GNG12: variants seen among roughly 807,000 people sequenced by gnomAD.
GNG12 encodes guanine nucleotide-binding protein G(I)/G(S)/G(O) subunit gamma-12.
For synonymous variants in GNG12, 28 were observed against 29.7 expected (o/e 0.94, Z 0.19); for missense variants, 69 against 83.8 (o/e 0.82, Z 0.69).
In GNG12 at chr1:67,705,487, G is replaced by A. The variant is rs1215234224; in HGVS notation, c.183C>T (p.Asn61=). Residue 61 remains asparagine (N), a synonymous_variant, in exon 4 of 4, where the codon AAC becomes AAT. Transcript: ENST00000370982. ...PLLIGIPTSE[N]PFKDKKTCII... is the part of the protein sequence containing the mutation. ...TGCAAGTTTTTTTATCCTTGAAAGG[G>A]TTTTCTGAAGTTGGTATTCCTATCA... The A allele has an allele frequency of 6.2e-7, 1 of 1,614,064 alleles. No homozygotes were observed. The highest frequency in any genetic ancestry group is 1.7e-5 in the Admixed American group (1 of 59,998).
At chr1:67,808,102 A>G (rs1425778843) in intron 1 of GNG12, among the ~76,000 whole-genome samples, 4 of 152,084 alleles carry the variant, frequency 2.6e-5, no homozygotes, top group Non-Finnish European at 5.9e-5. Context: ...AGAATTACAC[A>G]CTGCTACCAA....
intron 2 of GNG12, among the ~76,000 whole-genome samples, chr1:67,710,417 C>A (rs1646288537): frequency 6.6e-6 from 1 of 150,980 alleles, no homozygotes; most frequent in Admixed American, 6.7e-5. Context: ...TAAGGTCAAG[C>A]ATTCTCTTCT....
intron 2 of GNG12, among the ~76,000 whole-genome samples, chr1:67,759,647 G>A (rs183005717): frequency 1.3e-5 from 2 of 152,254 alleles, no homozygotes; most frequent in Admixed American, 1.3e-4. Flanking sequence ...CTTATACATA[G>A]TAAGTGTGCA....
intron 2 of GNG12, among the ~76,000 whole-genome samples, chr1:67,710,211 T>C: frequency 1.0e-5 from 1 of 96,416 alleles, no homozygotes; most frequent in East Asian, 2.5e-4. Flanking sequence ...TATAGTTATA[T>C]ATATAGTTAT....
At chr1:67,778,745 T>C (rs1028452714) in intron 1 of GNG12, among the ~76,000 whole-genome samples, 5 of 152,168 alleles carry the variant, frequency 3.3e-5, no homozygotes, top group Admixed American at 3.3e-4. Context: ...GTCGTTTGCC[T>C]CCAGAGTCCA....
At chr1:67,755,657 C>G (rs928374936) in intron 2 of GNG12, among the ~76,000 whole-genome samples, 1 of 152,110 alleles carries the variant, frequency 6.6e-6, no homozygotes, top group African/African-American at 2.4e-5. Context: ...ACAGTCCACT[C>G]TAGGAGGCAA....
intron 2 of GNG12, among the ~76,000 whole-genome samples, chr1:67,742,818 T>C (rs115019729): frequency 1.7e-3 from 263 of 152,234 alleles, no homozygotes; most frequent in Middle Eastern, 6.8e-3. Flanking sequence ...TTTATTTTAA[T>C]AGAAATAGCT....
At chr1:67,728,864 C>T (rs1042029299) in intron 2 of GNG12, among the ~76,000 whole-genome samples, 1 of 152,186 alleles carries the variant, frequency 6.6e-6, no homozygotes, top group Non-Finnish European at 1.5e-5. Context: ...AAGGGTATGA[C>T]AGCAAGTTTT....
chr1:67,713,866 G>C (rs1646310179), intron 2 of GNG12, among the ~76,000 whole-genome samples: 1 of 152,176 alleles, frequency 6.6e-6, no homozygotes, highest in Admixed American at 6.5e-5. Flanking sequence ...TCACTAACAA[G>C]ATGAAAAACA....
At chr1:67,800,973 C>T (rs1646861085) in intron 1 of GNG12, among the ~76,000 whole-genome samples, 1 of 151,898 alleles carries the variant, frequency 6.6e-6, no homozygotes, top group Non-Finnish European at 1.5e-5. Context: ...GAGGGAGGTT[C>T]TGGAAAGGTC....
At chr1:67,746,678 C>T (rs1035430337) in intron 2 of GNG12, among the ~76,000 whole-genome samples, 1 of 152,156 alleles carries the variant, frequency 6.6e-6, no homozygotes, top group African/African-American at 2.4e-5. Context: ...GGCTTAAATC[C>T]ACCAGTTGGT....
intron 1 of GNG12, among the ~76,000 whole-genome samples, chr1:67,823,366 A>C (rs1233735922): frequency 1.3e-5 from 2 of 152,202 alleles, no homozygotes; most frequent in African/African-American, 2.4e-5. Flanking sequence ...TTTTTAATTC[A>C]GACATTAGCA....
At chr1:67,785,128 A>AT (rs5774890) in intron 1 of GNG12, among the ~76,000 whole-genome samples, 139,537 of 152,202 alleles carry the variant, frequency 0.92, 63,978 homozygotes, top group Non-Finnish European at 0.93. Flanking sequence ...ATGGATTATT[A>AT]TCACAGCACC....
chr1:67,763,358 T>C lies in GNG12; in HGVS notation c.-27+14100A>G, dbSNP rs561993120. 2.0e-5 allele frequency among the ~76,000 whole-genome samples: 3 copies of C among 152,214 alleles called. No individual in the cohort carries two copies. The South Asian group carries it at 6.2e-4, about 32-fold the overall frequency. ...CAACTGTCATGTCTCTTTAGTCTTC[T>C]TGACTCTGGCATGCTTCCTGAGTAT... is the stretch of plus-strand genomic sequence containing the variant. On this transcript the variant is annotated intron_variant, in intron 2 of 3. Coordinates refer to ENST00000370982, the MANE Select transcript of GNG12 (RefSeq NM_018841.6).
At chr1:67,820,833 T>A (rs1357712563) in intron 1 of GNG12, among the ~76,000 whole-genome samples, 1 of 152,208 alleles carries the variant, frequency 6.6e-6, no homozygotes, top group Non-Finnish European at 1.5e-5. Flanking sequence ...ATCAGCTTCA[T>A]CCAGTTTACT....
intron 1 of GNG12, among the ~76,000 whole-genome samples, chr1:67,813,657 A>G (rs1646938478): frequency 1.3e-5 from 2 of 150,840 alleles, no homozygotes; most frequent in South Asian, 4.2e-4. Context: ...GCTATACCAT[A>G]CTGTAGAATA....
At chr1:67,814,359 A>G (rs1184432788) in intron 1 of GNG12, among the ~76,000 whole-genome samples, 1 of 152,208 alleles carries the variant, frequency 6.6e-6, no homozygotes, top group Non-Finnish European at 1.5e-5. Flanking sequence ...TTCTGGTGAA[A>G]TAACTAAAAA....
In GNG12 at chr1:67,728,916, TC is replaced by T. The variant is rs536226760; in HGVS notation, c.-26-21205del. Among the ~76,000 whole-genome samples the T allele has an allele frequency of 1.7e-4, 26 of 152,318 alleles. No homozygotes were observed. In the South Asian group the frequency reaches 5.2e-3, roughly 30 times the overall value. On this transcript the variant is annotated intron_variant, in intron 2 of 3. Transcript: ENST00000370982. ...GTGCAAAGGCACCACTGTTGGTAGT[TC>T]AAAGAGAAATACACAGAAAACCTGG...
chr1:67,816,065 C>T (rs893685984), intron 1 of GNG12, among the ~76,000 whole-genome samples: 3 of 152,192 alleles, frequency 2.0e-5, no homozygotes, highest in Non-Finnish European at 2.9e-5. Flanking sequence ...GTTTATGAAC[C>T]GCTGCCCTGG....
Sources: allele counts gnomAD v4.1 joint callset (sites outside exome capture counted in the v4.1 genomes callset), GRCh38; gene constraint gnomAD v4.1.1; transcripts MANE v1.5; gene names NCBI Gene and HGNC (gene_info 2026-07-23, HGNC 2026-07-21).